TMEM116: variants seen among roughly 807,000 people sequenced by gnomAD.
TMEM116 encodes transmembrane protein 116.
In TMEM116, 38 loss-of-function variants were observed where a neutral mutation model predicts 44.3. The ratio of observed to expected loss-of-function variants is 0.86; its 90% confidence interval spans 0.66 to 1.12. The LOEUF is 1.12. Ranked by LOEUF, TMEM116 falls within the 50% of genes most tolerant of loss-of-function variation. TMEM116 has a pLI of 0.00. For synonymous variants in TMEM116, 132 were observed against 144.8 expected (o/e 0.91, Z 0.64); for missense variants, 354 against 401.7 (o/e 0.88, Z 1.01).
chr12:111,958,932 T>C (rs1435140024), intron 4 of TMEM116, among the ~76,000 whole-genome samples: 1 of 152,140 alleles, frequency 6.6e-6, no homozygotes, highest in Non-Finnish European at 1.5e-5. Flanking sequence ...CTTCAGGATA[T>C]TATCCAGGAG....
chr12:111,969,304 G>T, intron 4 of TMEM116, among the ~76,000 whole-genome samples: 1 of 136,676 alleles, frequency 7.3e-6, no homozygotes, highest in Admixed American at 7.7e-5. Context: ...TGGGCAACAA[G>T]AGCGACGCTC....
chr12:111,939,745 T>G (rs553188217), intron 5 of TMEM116, among the ~76,000 whole-genome samples: 8 of 151,068 alleles, frequency 5.3e-5, no homozygotes, highest in Admixed American at 4.0e-4. Context: ...GGAGGATCAC[T>G]TGGGCCCAGG....
intron 8 of TMEM116, 30 bp downstream of exon 8, chr12:111,936,662 T>C (rs760692736): frequency 2.5e-6 from 4 of 1,604,622 alleles, no homozygotes; most frequent in Admixed American, 3.5e-5. Flanking sequence ...TCCTCATCTC[T>C]CCACAAAGGA....
intron 4 of TMEM116, among the ~76,000 whole-genome samples, chr12:111,970,198 G>A (rs893793051): frequency 6.6e-6 from 1 of 151,488 alleles, no homozygotes. Flanking sequence ...AGAATCACTT[G>A]AACCTGGGAG....
At chr12:111,964,742 T>C (rs2074868890) in intron 4 of TMEM116, among the ~76,000 whole-genome samples, 1 of 152,142 alleles carries the variant, frequency 6.6e-6, no homozygotes. Context: ...GGCTGAAGTG[T>C]AGTAGTGTGA....
intron 4 of TMEM116, among the ~76,000 whole-genome samples, chr12:111,976,496 A>G (rs924931337): frequency 1.3e-5 from 2 of 152,274 alleles, no homozygotes; most frequent in African/African-American, 4.8e-5. Flanking sequence ...ACAAAGCAAA[A>G]CAAAACAAAA....
At chr12:112,010,755 G>A (rs2077800725) in intron 1 of TMEM116, 1 of 152,272 alleles carries the variant, frequency 6.6e-6, no homozygotes, top group African/African-American at 2.4e-5. Context: ...TTGACCCATA[G>A]GTCTCTGCCC....
At chr12:112,004,605 T>C (rs1486991899) in intron 2 of TMEM116, among the ~76,000 whole-genome samples, 2 of 151,960 alleles carry the variant, frequency 1.3e-5, no homozygotes, top group African/African-American at 2.4e-5. Flanking sequence ...TAAACAAATA[T>C]AGAATGCTTC....
At chr12:111,974,402 G>A (rs1295864153) in intron 4 of TMEM116, among the ~76,000 whole-genome samples, 1 of 152,084 alleles carries the variant, frequency 6.6e-6, no homozygotes, top group African/African-American at 2.4e-5. Context: ...TAACACTTTG[G>A]GAGGCCGGGG....
intron 4 of TMEM116, among the ~76,000 whole-genome samples, chr12:111,990,254 CAAA>C (rs1298645737): frequency 1.2e-5 from 1 of 81,966 alleles, no homozygotes; most frequent in Non-Finnish European, 2.4e-5. Context: ...GACTCCGCCT[CAAA>C]AAAAAAAAAA....
intron 4 of TMEM116, among the ~76,000 whole-genome samples, chr12:111,948,329 CA>C (rs1277096976): frequency 2.6e-5 from 4 of 152,138 alleles, no homozygotes; most frequent in Admixed American, 1.3e-4. Context: ...GACAGAATCA[CA>C]GATAGAATTT....
intron 4 of TMEM116, among the ~76,000 whole-genome samples, chr12:111,976,890 T>C (rs2075700217): frequency 1.3e-5 from 2 of 151,916 alleles, no homozygotes; most frequent in South Asian, 2.1e-4. Flanking sequence ...CTTTATAATA[T>C]GTAAATAGAA....
intron 4 of TMEM116, among the ~76,000 whole-genome samples, chr12:111,981,949 A>G (rs965343620): frequency 1.3e-5 from 2 of 152,244 alleles, no homozygotes; most frequent in African/African-American, 4.8e-5. Flanking sequence ...CAAATACTGC[A>G]TAATTTCACT....
At chr12:111,991,604 A>T in intron 4 of TMEM116, 154 bp downstream of exon 4, 1 of 622,364 alleles carries the variant, frequency 1.6e-6, no homozygotes, top group Non-Finnish European at 2.4e-6. Context: ...TCTATAATAT[A>T]GTGTTTTTAA....
intron 3 of TMEM116, among the ~76,000 whole-genome samples, chr12:111,996,833 C>G (rs2076954674): frequency 6.6e-6 from 1 of 152,052 alleles, no homozygotes; most frequent in South Asian, 2.1e-4. Context: ...TACAGAATAC[C>G]AGACATCAAT....
chr12:111,949,812 C>T (rs1193275150), intron 4 of TMEM116, among the ~76,000 whole-genome samples: 3 of 152,148 alleles, frequency 2.0e-5, no homozygotes, highest in Non-Finnish European at 4.4e-5. Flanking sequence ...GTTCCTAAAA[C>T]CCTGTAAACT....
At chr12:112,001,989 A>T (rs1420535466) in intron 3 of TMEM116, among the ~76,000 whole-genome samples, 1 of 152,190 alleles carries the variant, frequency 6.6e-6, no homozygotes, top group African/African-American at 2.4e-5. Context: ...AAAGTCCCCT[A>T]ACCTTACCAG....
chr12:111,968,922 G>A (rs962140681), intron 4 of TMEM116, among the ~76,000 whole-genome samples: 4 of 150,758 alleles, frequency 2.7e-5, no homozygotes, highest in African/African-American at 7.3e-5. Flanking sequence ...CAACTCGGGA[G>A]GCGGAGGTTG....
chr12:112,011,060 G>A (rs972583709), intron 1 of TMEM116: 11 of 152,456 alleles, frequency 7.2e-5, no homozygotes, highest in Admixed American at 7.2e-4. Context: ...CGGGAGTAGA[G>A]AGAGTCCAGG....
Sources: gnomAD v4.1 joint callset for allele counts (sites outside exome capture counted in the v4.1 genomes callset) on GRCh38, gnomAD v4.1.1 for gene constraint, MANE v1.5 for transcripts, NCBI Gene and HGNC (gene_info 2026-07-23, HGNC 2026-07-21) for gene names.